MAPRE2: variants seen among roughly 807,000 people sequenced by gnomAD.
MAPRE2 encodes the protein microtubule associated protein RP/EB family member 2, also known as microtubule-associated protein RP/EB family member 2.
A neutral mutation model predicts 43.2 loss-of-function variants in MAPRE2; 13 were observed. That is an observed-to-expected ratio of 0.30 (90% CI 0.20 to 0.48). The LOEUF (loss-of-function observed/expected upper bound fraction) is 0.48. Ranked by LOEUF, MAPRE2 falls within the 20% of genes least tolerant of loss-of-function variation. The probability of loss-of-function intolerance (pLI) is 0.99; values close to 1 mark genes in which losing one functional copy is unlikely to be tolerated. For missense variants in MAPRE2, 161 were observed against 400.2 expected, an observed-to-expected ratio of 0.40 and a Z score of 5.10; for synonymous variants, 135 against 148.8, an observed-to-expected ratio of 0.91 and a Z score of 0.68.
intron 2 of MAPRE2, among the ~76,000 whole-genome samples, chr18:35,081,827 A>ATAC (rs1325003829): frequency 3.3e-5 from 5 of 152,004 alleles, no homozygotes; most frequent in Non-Finnish European, 7.4e-5. Context: ...ATTTTACCTT[A>ATAC]TACTAAAAGC....
chr18:35,110,531 A>G (rs1381593420), intron 4 of MAPRE2, among the ~76,000 whole-genome samples: 1 of 152,044 alleles, frequency 6.6e-6, no homozygotes, highest in African/African-American at 2.4e-5. Context: ...TATTTTTACT[A>G]TTTTCAACGT....
At chr18:34,988,708 G>A (rs1377805545) in intron 1 of MAPRE2, 2 of 152,152 alleles carry the variant, frequency 1.3e-5, no homozygotes, top group African/African-American at 2.4e-5. Context: ...GTAGCTGCTG[G>A]CTATATATGT....
At chr18:35,007,599 A>G (rs539019422) in intron 2 of MAPRE2, among the ~76,000 whole-genome samples, 135 of 152,358 alleles carry the variant, frequency 8.9e-4, no homozygotes, top group African/African-American at 2.6e-3. Context: ...AATGGACTAT[A>G]CTTGGCCTGC....
At chr18:34,995,461 C>T (rs958924711) in intron 1 of MAPRE2, among the ~76,000 whole-genome samples, 1 of 152,174 alleles carries the variant, frequency 6.6e-6, no homozygotes, top group African/African-American at 2.4e-5. Flanking sequence ...CCATTTGAGT[C>T]AGCAGAGGAA....
chr18:35,009,520 G>GCA (rs1330071502), intron 2 of MAPRE2, among the ~76,000 whole-genome samples: 1 of 152,142 alleles, frequency 6.6e-6, no homozygotes, highest in African/African-American at 2.4e-5. Flanking sequence ...CTTTTGTAAG[G>GCA]CACAGCCTTC....
intron 2 of MAPRE2, among the ~76,000 whole-genome samples, chr18:35,089,423 A>G (rs1908035486): frequency 6.6e-6 from 1 of 152,214 alleles, no homozygotes; most frequent in African/African-American, 2.4e-5. Context: ...TAAGGAAATT[A>G]TATCTAGAAT....
In MAPRE2 at chr18:35,142,376, C is replaced by G. The variant is rs1340320696; in HGVS notation, c.*2007C>G. On this transcript the variant is annotated 3_prime_UTR_variant, in exon 7 of 7. Transcript: ENST00000300249. ...ATACCCAATGCTCAGTGGATCATGA[C>G]CAAACTCCTGTCATGTGGATGCACG... The G allele has an allele frequency of 6.6e-6, 1 of 152,268 alleles. No individual in the cohort carries two copies. Among genetic ancestry groups the G allele is most frequent in the Non-Finnish European group, 1.5e-5 (1 of 68,084 alleles). 9.4% of individuals were successfully genotyped at this position (152,268 alleles called of 1,614,324 possible). A position where few individuals can be genotyped will look rare whatever the true frequency, so the allele number is the denominator to read the frequency against.
At chr18:34,994,553 C>A (rs927373758) in intron 1 of MAPRE2, among the ~76,000 whole-genome samples, 2 of 152,086 alleles carry the variant, frequency 1.3e-5, no homozygotes, top group African/African-American at 4.8e-5. Context: ...TCTTGGGGCC[C>A]TTTTCATCGA....
intron 2 of MAPRE2, among the ~76,000 whole-genome samples, chr18:35,007,862 G>A (rs114086524): frequency 0.014 from 2,085 of 151,930 alleles, 45 homozygotes; most frequent in African/African-American, 0.047. Context: ...TTCCATATCC[G>A]TGGATTCCAG....
chr18:35,122,571 G>A (rs1665897311), intron 4 of MAPRE2, among the ~76,000 whole-genome samples: 1 of 152,212 alleles, frequency 6.6e-6, no homozygotes, highest in Non-Finnish European at 1.5e-5. Flanking sequence ...ATTATTAAAT[G>A]TTTAGAATTT....
At chr18:35,124,751 C>A (rs1224056484) in intron 4 of MAPRE2, among the ~76,000 whole-genome samples, 1 of 152,134 alleles carries the variant, frequency 6.6e-6, no homozygotes, top group African/African-American at 2.4e-5. Flanking sequence ...GAGCTGTCTC[C>A]CCAGCTGTTA....
Position 35,102,293 on chromosome 18 carries a change from G to A in MAPRE2, c.610+134G>A, listed in dbSNP as rs1908715905. 8.0e-6 allele frequency: 5 copies of A among 622,428 alleles called. No homozygotes were observed. The South Asian group carries it at 1.1e-4, about 13-fold the overall frequency. 38.6% of individuals were successfully genotyped at this position (622,428 alleles called of 1,614,324 possible). On this transcript the variant is annotated intron_variant, in intron 4 of 6. Coordinates refer to ENST00000300249, the MANE Select transcript of MAPRE2 (RefSeq NM_014268.4). ...TTAATGCCTTCGGATGATTTCTACT[G>A]TTGTCTGTTTCACCACATTTATCTT...
At chr18:35,072,556 G>A (rs1027366240) in intron 2 of MAPRE2, among the ~76,000 whole-genome samples, 1 of 152,152 alleles carries the variant, frequency 6.6e-6, no homozygotes, top group Non-Finnish European at 1.5e-5. Context: ...GTTTTTGGTA[G>A]CAAATGAAAT....
At chr18:35,005,198 A>G (rs2097031261) in intron 1 of MAPRE2, among the ~76,000 whole-genome samples, 1 of 152,142 alleles carries the variant, frequency 6.6e-6, no homozygotes, top group Non-Finnish European at 1.5e-5. Flanking sequence ...CAGGGGAAAA[A>G]CAAAAGAAAA....
At chr18:35,072,225 C>T (rs910773324) in intron 2 of MAPRE2, among the ~76,000 whole-genome samples, 20 of 152,196 alleles carry the variant, frequency 1.3e-4, no homozygotes, top group African/African-American at 4.8e-4. Context: ...TTGTTGATAA[C>T]ACATACCCCT....
chr18:35,120,903 A>T (rs887691095), intron 4 of MAPRE2, among the ~76,000 whole-genome samples: 53 of 151,854 alleles, frequency 3.5e-4, no homozygotes, highest in African/African-American at 1.3e-3. Flanking sequence ...GGCTAGGGGG[A>T]TGGTTTGGGA....
intron 1 of MAPRE2, among the ~76,000 whole-genome samples, chr18:35,063,997 CTTT>C (rs1568989694): frequency 2.8e-5 from 1 of 35,358 alleles, no homozygotes; most frequent in African/African-American, 1.2e-4. Context: ...GACCCTGTCT[CTTT>C]AAAAAAAAAA....
chr18:34,996,680 G>A (rs1462351779), intron 1 of MAPRE2, among the ~76,000 whole-genome samples: 1 of 152,162 alleles, frequency 6.6e-6, no homozygotes, highest in Non-Finnish European at 1.5e-5. Flanking sequence ...TAAATGAGCT[G>A]ATGCACCAGA....
Position 35,049,802 on chromosome 18 carries a change from G to A in MAPRE2, c.122+8141G>A, listed in dbSNP as rs560136494. 1.7e-4 allele frequency among the ~76,000 whole-genome samples: 26 copies of A among 152,324 alleles called. No individual in the cohort carries two copies. In the South Asian group the frequency reaches 5.4e-3, roughly 32 times the overall value. On this transcript the variant is annotated intron_variant, in intron 1 of 6. Coordinates refer to ENST00000300249, the MANE Select transcript of MAPRE2 (RefSeq NM_014268.4). The stretch of plus-strand genomic sequence containing the variant: ...ATAATTTTCAAAAGCTTTCAGAAAT[G>A]TAGCGTGTAAGTAAAAATGTGTGTG...
Sources: gnomAD v4.1 joint callset for allele counts (sites outside exome capture counted in the v4.1 genomes callset) on GRCh38, gnomAD v4.1.1 for gene constraint, MANE v1.5 for transcripts, NCBI Gene and HGNC (gene_info 2026-07-23, HGNC 2026-07-21) for gene names.